EHMT1: variants seen among roughly 807,000 people sequenced by gnomAD.
The protein encoded by EHMT1 is histone-lysine N-methyltransferase EHMT1.
In EHMT1, 15 loss-of-function variants were observed where a neutral mutation model predicts 147.2. That is an observed-to-expected ratio of 0.10 (90% confidence interval 0.07 to 0.16). The LOEUF (loss-of-function observed/expected upper bound fraction) is 0.16. Among genes scored for constraint, EHMT1 ranks in the 10% least tolerant of loss-of-function variants. EHMT1 has a pLI of 1.00. For synonymous variants in EHMT1, 795 were observed against 709.6 expected (o/e 1.12, Z -1.91); for missense variants, 1,587 against 1,772.4 (o/e 0.90, Z 1.88).
intron 1 of EHMT1, chr9:137,641,680 C>G: frequency 4.9e-6 from 1 of 203,146 alleles, no homozygotes; most frequent in Admixed American, 6.0e-5. Flanking sequence ...TTCTGTTCCT[C>G]TCTTCCTCTG....
chr9:137,642,935 A>G (rs905259181), intron 1 of EHMT1, among the ~76,000 whole-genome samples: 2 of 152,170 alleles, frequency 1.3e-5, no homozygotes, highest in Admixed American at 6.6e-5. Flanking sequence ...AGGTGGGAGT[A>G]CAGTGGCACA....
intron 25 of EHMT1, among the ~76,000 whole-genome samples, chr9:137,827,184 G>A (rs984594130): frequency 3.5e-4 from 53 of 152,238 alleles, no homozygotes; most frequent in African/African-American, 1.3e-3. Flanking sequence ...TGCCACACTC[G>A]CCTGATTCCT....
chr9:137,781,203 A>G lies in EHMT1; in HGVS notation c.2276-1088A>G, dbSNP rs75861925. On this transcript the variant is annotated intron_variant, in intron 14 of 26. Coordinates refer to ENST00000460843, the MANE Select transcript of EHMT1 (RefSeq NM_024757.5). ...GCTGGGACGTGTGGTGACGACGCTG[A>G]GACGTGTGGTGACGACGCTGGGACG... Among the ~76,000 whole-genome samples, 209 of 68,736 alleles carry G rather than the reference A, an allele frequency of 3.0e-3. 11 individuals carry two copies. The highest frequency in any genetic ancestry group is 5.5e-3 in the East Asian group (18 of 3,274). The allele number at this position is 68,736 out of a possible 152,430, so 45.1% of individuals were successfully genotyped here. A position where few individuals can be genotyped will look rare whatever the true frequency, so the allele number is the denominator to read the frequency against.
At chr9:137,717,648 G>A (rs1010844110) in intron 3 of EHMT1, among the ~76,000 whole-genome samples, 2 of 150,440 alleles carry the variant, frequency 1.3e-5, no homozygotes, top group African/African-American at 4.9e-5. Context: ...AATGCCTTGT[G>A]CGTGAGTGAC....
Position 137,834,946 on chromosome 9 carries a change from C to A in EHMT1, c.3890C>A (p.Pro1297His). ...ACCAGCTCCGCGGCTGCCGCCGACC[C>A]CCTATGAGACGCCGCCGGCCAGCGG... Reference protein sequence around the residue: ...PDTSSAAAADPL With the variant: ...PDTSSAAAADHL Residue 1297 changes from proline to histidine, a missense_variant, in exon 27 of 27, where the codon CCC (proline) becomes CAC (histidine). Pro to His is a moderately conservative substitution (Grantham distance 77, BLOSUM62 -2). This residue lies in a region of EHMT1 where 141 missense variants were observed against 150.8 expected (regional missense o/e 0.94). Coordinates refer to ENST00000460843, the MANE Select transcript of EHMT1 (RefSeq NM_024757.5). 6.9e-7 allele frequency: 1 copy of A among 1,459,050 alleles called. No individual in the cohort carries two copies. Among genetic ancestry groups the A allele is most frequent in the Non-Finnish European group, 9.0e-7 (1 of 1,114,114 alleles). The allele number at this position is 1,459,050 out of a possible 1,614,324, so 90.4% of individuals were successfully genotyped here. A position where few individuals can be genotyped will look rare whatever the true frequency, so the allele number is the denominator to read the frequency against.
At chr9:137,676,827 C>T (rs181423588) in intron 1 of EHMT1, among the ~76,000 whole-genome samples, 88 of 152,262 alleles carry the variant, frequency 5.8e-4, no homozygotes, top group African/African-American at 1.9e-3. Flanking sequence ...GGGTGAGGGC[C>T]TGGGATTCCA....
chr9:137,810,784 C>G (rs1275117507), intron 18 of EHMT1, among the ~76,000 whole-genome samples: 1 of 151,872 alleles, frequency 6.6e-6, no homozygotes, highest in African/African-American at 2.4e-5. Context: ...CTGTAACCCT[C>G]TGCCTCCCGG....
intron 4 of EHMT1, among the ~76,000 whole-genome samples, chr9:137,737,562 G>T (rs905244996): frequency 6.6e-6 from 1 of 152,156 alleles, no homozygotes; most frequent in African/African-American, 2.4e-5. Context: ...ATTCTGAGAA[G>T]AAAACATAGG....
At chr9:137,686,544 C>T (rs1942448961) in intron 1 of EHMT1, among the ~76,000 whole-genome samples, 1 of 151,828 alleles carries the variant, frequency 6.6e-6, no homozygotes, top group Non-Finnish European at 1.5e-5. Context: ...TGTGCACCCC[C>T]ATCCCCGGCT....
chr9:137,796,603 C>A (rs1022149796), intron 16 of EHMT1, among the ~76,000 whole-genome samples: 5 of 147,166 alleles, frequency 3.4e-5, no homozygotes, highest in African/African-American at 1.3e-4. Context: ...ACTCGGGAGG[C>A]TGAGGTAGGA....
At chr9:137,684,899 T>G (rs769127336) in intron 1 of EHMT1, among the ~76,000 whole-genome samples, 1 of 152,222 alleles carries the variant, frequency 6.6e-6, no homozygotes, top group Non-Finnish European at 1.5e-5. Flanking sequence ...GTTTTTTTAC[T>G]CCACAAGTTA....
intron 4 of EHMT1, among the ~76,000 whole-genome samples, chr9:137,739,345 G>T (rs577361331): frequency 1.4e-5 from 2 of 146,360 alleles, no homozygotes; most frequent in South Asian, 4.3e-4. Context: ...AACAGAGCCA[G>T]ACTCAGTCTC....
intron 1 of EHMT1, among the ~76,000 whole-genome samples, chr9:137,643,471 G>C (rs1040861612): frequency 3.3e-5 from 5 of 151,622 alleles, no homozygotes; most frequent in Middle Eastern, 3.4e-3. Context: ...CTTCCGAGTA[G>C]CTGGGACTAC....
intron 1 of EHMT1, among the ~76,000 whole-genome samples, chr9:137,628,490 C>T (rs1843409810): frequency 6.6e-6 from 1 of 152,006 alleles, no homozygotes; most frequent in Admixed American, 6.6e-5. Context: ...ACTGTGTTGC[C>T]CAGGCCGATC....
chr9:137,622,959 C>T (rs1843025816), intron 1 of EHMT1, among the ~76,000 whole-genome samples: 1 of 151,062 alleles, frequency 6.6e-6, no homozygotes, highest in Non-Finnish European at 1.5e-5. Flanking sequence ...ACCTGTAATC[C>T]CAGCACTTTG....
chr9:137,785,366 C>CGCTGAGCCCGTGAGGGTGGGCCGT (rs1951870594), intron 15 of EHMT1: 1 of 137,434 alleles, frequency 7.3e-6, no homozygotes, highest in African/African-American at 3.4e-5. Flanking sequence ...AATGTGGGTG[C>CGCTGAGCCCGTGAGGGTGGGCCGT]GCTGAGCCCG....
intron 1 of EHMT1, among the ~76,000 whole-genome samples, chr9:137,642,533 A>G (rs1203306956): frequency 6.6e-6 from 1 of 152,154 alleles, no homozygotes; most frequent in Non-Finnish European, 1.5e-5. Flanking sequence ...CTTGCTGTTT[A>G]TTTGACTGTA....
rs140627928 is a variant in EHMT1 at position 137,782,895 on chromosome 9, C to T, written c.2382+498C>T. On this transcript the variant is annotated intron_variant, in intron 15 of 26. Transcript: ENST00000460843. The surrounding 1 kb of genome is among the most constrained non-coding windows in gnomAD (Gnocchi z 5.7). ...GCTAATTTATTCTGAACCATCTGAA[C>T]GCTGCCCGCTTGTCTCTGGGTTCAG... is the stretch of plus-strand genomic sequence containing the variant. 9.2e-5 allele frequency among the ~76,000 whole-genome samples: 14 copies of T among 152,080 alleles called. No individual in the cohort carries two copies. In the South Asian group the frequency reaches 1.2e-3, roughly 14 times the overall value.
intron 4 of EHMT1, among the ~76,000 whole-genome samples, chr9:137,729,851 C>T (rs1946952287): frequency 6.6e-6 from 1 of 152,192 alleles, no homozygotes; most frequent in African/African-American, 2.4e-5. Flanking sequence ...ACAGCACAGA[C>T]ATCCCGGTGA....
Sources: gnomAD v4.1 joint callset for allele counts (sites outside exome capture counted in the v4.1 genomes callset) on GRCh38, gnomAD v4.1.1 for gene constraint, gnomAD v4.1.1 regional missense constraint, Gnocchi (gnomAD v3.1) non-coding constraint, MANE v1.5 for transcripts, NCBI Gene and HGNC (gene_info 2026-07-23, HGNC 2026-07-21) for gene names.